Variants in POGLUT1 observed in about 807,000 individuals in gnomAD.
The protein encoded by POGLUT1 is protein O-glucosyltransferase 1.
In POGLUT1, 32 loss-of-function variants were observed where a neutral mutation model predicts 61.3. The observed-to-expected ratio is 0.52, with a 90% CI of 0.39 to 0.70. POGLUT1 has a LOEUF of 0.70. Ranked by LOEUF, POGLUT1 falls within the 30% of genes least tolerant of loss-of-function variation. POGLUT1 has a pLI of 0.00. For synonymous variants in POGLUT1, 158 were observed against 158.2 expected (o/e 1.00, Z 0.01); for missense variants, 411 against 469.8 (o/e 0.87, Z 1.16).
At chr3:119,473,413 T>C (rs2081499359) in intron 3 of POGLUT1, among the ~76,000 whole-genome samples, 1 of 152,208 alleles carries the variant, frequency 6.6e-6, no homozygotes, top group Admixed American at 6.5e-5. Context: ...ATTTTGGTCA[T>C]AATCATGAGC....
chr3:119,486,627 A>C (rs1271787555), intron 6 of POGLUT1, among the ~76,000 whole-genome samples: 1 of 152,042 alleles, frequency 6.6e-6, no homozygotes, highest in Admixed American at 6.6e-5. Context: ...AGTACCCCCC[A>C]ACCCTAAAGG....
chr3:119,477,885 G>A (rs145064115), intron 4 of POGLUT1, among the ~76,000 whole-genome samples: 122 of 152,316 alleles, frequency 8.0e-4, no homozygotes, highest in African/African-American at 2.2e-3. Context: ...ATATTCCGGG[G>A]GCCCAGGGTG....
Position 119,492,528 on chromosome 3 carries a change from T to G in POGLUT1, c.*90T>G, listed in dbSNP as rs2081763795. The G allele has an allele frequency of 6.3e-6, 5 of 789,470 alleles. No individual in the cohort carries two copies. Among genetic ancestry groups the G allele is most frequent in the Non-Finnish European group, 9.6e-6 (5 of 518,494 alleles). The allele number at this position is 789,470 out of a possible 1,614,324, so 48.9% of individuals were successfully genotyped here. The stretch of plus-strand genomic sequence containing the variant: ...TTACCATAAGCTTGGCACCTATACC[T>G]TGAATATCTGCTATCAAGCCAAATA... On this transcript the variant is annotated 3_prime_UTR_variant, in exon 11 of 11. Coordinates refer to ENST00000295588, the MANE Select transcript of POGLUT1 (RefSeq NM_152305.3).
intron 3 of POGLUT1, among the ~76,000 whole-genome samples, chr3:119,475,623 G>A (rs143097212): frequency 0.013 from 2,007 of 152,120 alleles, 44 homozygotes; most frequent in African/African-American, 0.045. Context: ...GACCAGCCTG[G>A]CCAACATGGT....
At chr3:119,473,513 A>G (rs2081501238) in intron 3 of POGLUT1, among the ~76,000 whole-genome samples, 1 of 152,232 alleles carries the variant, frequency 6.6e-6, no homozygotes, top group Non-Finnish European at 1.5e-5. Flanking sequence ...TATCCTAGCT[A>G]CATATACAAC....
At chr3:119,478,813 A>C (rs550687767) in intron 4 of POGLUT1, among the ~76,000 whole-genome samples, 1 of 152,094 alleles carries the variant, frequency 6.6e-6, no homozygotes, top group East Asian at 1.9e-4. Context: ...AACCATAAAA[A>C]GGGAACAAAT....
At chr3:119,478,901 A>AT (rs1383239811) in intron 4 of POGLUT1, among the ~76,000 whole-genome samples, 62 of 137,250 alleles carry the variant, frequency 4.5e-4, no homozygotes, top group East Asian at 7.1e-4. Context: ...AAAAAAAAAA[A>AT]AAAGGGGGGA....
At chr3:119,480,988 C>T (rs2081599867) in intron 5 of POGLUT1, among the ~76,000 whole-genome samples, 1 of 152,128 alleles carries the variant, frequency 6.6e-6, no homozygotes, top group African/African-American at 2.4e-5. Flanking sequence ...GATCCACCCA[C>T]CTCGGCCTCC....
At chr3:119,478,783 G>A (rs1340628348) in intron 4 of POGLUT1, among the ~76,000 whole-genome samples, 1 of 151,748 alleles carries the variant, frequency 6.6e-6, no homozygotes, top group African/African-American at 2.4e-5. Context: ...TTTATCAGTG[G>A]CCAGATTTTT....
chr3:119,478,888 C>CAAAA (rs367802266), intron 4 of POGLUT1, among the ~76,000 whole-genome samples: 7 of 86,002 alleles, frequency 8.1e-5, no homozygotes, highest in Non-Finnish European at 1.6e-4. Context: ...GCAGGTGGAT[C>CAAAA]AAAAAAAAAA....
intron 4 of POGLUT1, among the ~76,000 whole-genome samples, chr3:119,477,651 A>G (rs1342825274): frequency 2.0e-5 from 3 of 152,196 alleles, no homozygotes; most frequent in African/African-American, 7.2e-5. Flanking sequence ...AAGTAGTGTA[A>G]GATTGCTTGA....
chr3:119,476,465 A>T (rs1477439718), intron 3 of POGLUT1, among the ~76,000 whole-genome samples: 2 of 149,572 alleles, frequency 1.3e-5, no homozygotes, highest in African/African-American at 5.0e-5. Context: ...TGGCTAGAGG[A>T]GCTCACTACA....
intron 5 of POGLUT1, among the ~76,000 whole-genome samples, chr3:119,484,424 G>C (rs1469522176): frequency 6.6e-6 from 1 of 152,182 alleles, no homozygotes; most frequent in Non-Finnish European, 1.5e-5. Context: ...AGCAAGTTAA[G>C]AATGATGCAT....
intron 7 of POGLUT1, chr3:119,488,078 A>C (rs2081691938): frequency 6.6e-6 from 1 of 152,230 alleles, no homozygotes; most frequent in South Asian, 2.1e-4. Context: ...AAAGCTTTAG[A>C]CTTCTTGGGA....
intron 4 of POGLUT1, chr3:119,478,202 A>T (rs1010129828): frequency 2.7e-6 from 1 of 370,100 alleles, no homozygotes; most frequent in South Asian, 2.1e-5. Context: ...GGAAGATTCT[A>T]TGGGGTAAGA....
chr3:119,487,071 G>A, intron 7 of POGLUT1, 139 bp downstream of exon 7: 1 of 656,096 alleles, frequency 1.5e-6, no homozygotes, highest in Middle Eastern at 2.6e-4. Context: ...ACCAGCATTA[G>A]CATATATGTA....
chr3:119,490,518 A>G (rs1011426094), intron 8 of POGLUT1, 33 bp from the exon 9 acceptor site: 3 of 1,588,564 alleles, frequency 1.9e-6, no homozygotes, highest in Non-Finnish European at 1.7e-6. Flanking sequence ...GCAGGCATAT[A>G]GTATCAAATG....
rs540002090 is a variant in POGLUT1, at chr3:119,474,852, T to C, written c.321-2461T>C. ...GAAACTCCATCTCAAAAAATAAAAA[T>C]TAAATTAAACTAAATTAAAAGCCAA... On this transcript the variant is annotated intron_variant, in intron 3 of 10. Coordinates refer to ENST00000295588, the MANE Select transcript of POGLUT1 (RefSeq NM_152305.3). Among the ~76,000 whole-genome samples the C allele has an allele frequency of 4.1e-3, 626 of 151,952 alleles. 1 individual carries two copies. Among genetic ancestry groups the C allele is most frequent in the South Asian group, 9.0e-3 (43 of 4,802 alleles).
chr3:119,477,326 G>A lies in POGLUT1; in HGVS notation c.334G>A (p.Glu112Lys). ...TCTGGTTGACAGGTGTAGTGGTGTTGAGCACTTTATTTTGGAAGTGATCGG... is the reference window on the plus strand; with the variant it reads ...TCTGGTTGACAGGTGTAGTGGTGTTAAGCACTTTATTTTGGAAGTGATCGG... ...CMFPSRCSGV[E>K]HFILEVIGRL... The change falls in exon 4 of 11, where the codon GAG (glutamate) becomes AAG (lysine). Residue 112 changes from glutamate (E) to lysine (K), a missense_variant. Physicochemically the swap from Glu to Lys is moderately conservative, Grantham distance 56 (BLOSUM62 1). Transcript: ENST00000295588. 6 of 1,614,094 alleles carry A rather than the reference G, an allele frequency of 3.7e-6. No homozygotes were observed. Among genetic ancestry groups the A allele is most frequent in the Non-Finnish European group, 5.1e-6 (6 of 1,179,970 alleles).
Sources: gnomAD v4.1 joint callset for allele counts (sites outside exome capture counted in the v4.1 genomes callset) on GRCh38, gnomAD v4.1.1 for gene constraint, MANE v1.5 for transcripts, NCBI Gene and HGNC (gene_info 2026-07-23, HGNC 2026-07-21) for gene names.